COL4A1: variants seen among roughly 807,000 people sequenced by gnomAD.
The protein encoded by COL4A1 is collagen alpha-1(IV) chain.
A neutral mutation model predicts 216.6 loss-of-function variants in COL4A1; 40 were observed. That is an observed-to-expected ratio of 0.18 (90% CI 0.14 to 0.24). The LOEUF (loss-of-function observed/expected upper bound fraction) is 0.24. Among genes scored for constraint, COL4A1 ranks in the 10% least tolerant of loss-of-function variants. The pLI is 1.00. For missense variants in COL4A1, 1,628 were observed against 2,196.8 expected (o/e 0.74, Z 5.18); for synonymous variants, 839 against 810.7 (o/e 1.03, Z -0.59).
chr13:110,219,412 A>G (rs593564), intron 2 of COL4A1, among the ~76,000 whole-genome samples: 75,049 of 151,814 alleles, frequency 0.49, 18,953 homozygotes, highest in Non-Finnish European at 0.54. Context: ...ACATTAAAGC[A>G]GCAAAGATTA....
At chr13:110,222,305 T>C (rs891022919) in intron 2 of COL4A1, among the ~76,000 whole-genome samples, 1 of 152,016 alleles carries the variant, frequency 6.6e-6, no homozygotes, top group Admixed American at 6.6e-5. Flanking sequence ...AAACCCAAAC[T>C]CTGGCAGACA....
At chr13:110,303,173 T>C (rs548781104) in intron 1 of COL4A1, among the ~76,000 whole-genome samples, 9 of 152,322 alleles carry the variant, frequency 5.9e-5, no homozygotes, top group African/African-American at 2.2e-4. Flanking sequence ...ATGAATAATG[T>C]AGGGTTTTGT....
intron 22 of COL4A1, among the ~76,000 whole-genome samples, chr13:110,194,612 T>C (rs767594351): frequency 2.6e-5 from 4 of 152,104 alleles, no homozygotes; most frequent in African/African-American, 9.7e-5. Flanking sequence ...ACTGGAAGAA[T>C]TGGTGAGCAT....
intron 1 of COL4A1, among the ~76,000 whole-genome samples, chr13:110,269,053 T>C (rs1471146246): frequency 1.3e-5 from 2 of 152,172 alleles, no homozygotes; most frequent in African/African-American, 4.8e-5. Flanking sequence ...CCGGAGCCAC[T>C]TGGAAAAGTG....
intron 2 of COL4A1, among the ~76,000 whole-genome samples, chr13:110,228,083 C>A (rs746720611): frequency 1.3e-5 from 2 of 152,176 alleles, no homozygotes; most frequent in Non-Finnish European, 2.9e-5. Flanking sequence ...GGGACATACA[C>A]GCGCCTTACA....
At chr13:110,165,028 C>A in intron 45 of COL4A1, 38 bp from the exon 46 acceptor site, 1 of 1,591,780 alleles carries the variant, frequency 6.3e-7, no homozygotes, top group South Asian at 1.1e-5. Flanking sequence ...ATTTCACTGT[C>A]CACATACTGG....
Position 110,176,696 on chromosome 13 carries a change from T to C in COL4A1, c.2898A>G (p.Gly966=). ...CTGGGGTCCCAGGGTCTCCTCGGGA[T>C]CCCTTCTCACCAATTGGTCCAATTT... is the stretch of plus-strand genomic sequence containing the variant. ...KGQIGPIGEK[G]SRGDPGTPGV... The change falls in exon 35 of 52, where the codon GGA becomes GGG. Residue 966 remains glycine (G), a synonymous_variant. Transcript: ENST00000375820. 6.2e-7 allele frequency: 1 copy of C among 1,614,180 alleles called. No individual in the cohort carries two copies. Among genetic ancestry groups the C allele is most frequent in the Non-Finnish European group, 8.5e-7 (1 of 1,180,032 alleles).
At position 110,300,786 on chromosome 13, in the gene COL4A1, G is replaced by A. The variant is rs564968757; in HGVS notation, c.84+6158C>T. Among the ~76,000 whole-genome samples the A allele has an allele frequency of 2.4e-4, 37 of 152,272 alleles. No individual in the cohort carries two copies. In the South Asian group the frequency reaches 7.5e-3, roughly 31 times the overall value. On this transcript the variant is annotated intron_variant, in intron 1 of 51. Coordinates refer to ENST00000375820, the MANE Select transcript of COL4A1 (RefSeq NM_001845.6). The stretch of plus-strand genomic sequence containing the variant: ...TAATTTTACAACTGAACAATGTACT[G>A]ATTCTAAAAGCAACAGAAGATGAGG...
At chr13:110,270,164 G>A (rs1043513650) in intron 1 of COL4A1, among the ~76,000 whole-genome samples, 7 of 152,260 alleles carry the variant, frequency 4.6e-5, no homozygotes, top group East Asian at 3.9e-4. Flanking sequence ...TGAAGGCTGC[G>A]ACCTTCTTCA....
At chr13:110,260,771 C>T (rs945537771) in intron 1 of COL4A1, among the ~76,000 whole-genome samples, 13 of 152,018 alleles carry the variant, frequency 8.6e-5, no homozygotes, top group African/African-American at 1.9e-4. Flanking sequence ...CAAAGTGGGC[C>T]GGGCGCGGTG....
chr13:110,200,908 T>G lies in COL4A1; in HGVS notation c.1085-19A>C. On this transcript the variant is annotated intron_variant, in intron 19 of 51. Transcript: ENST00000375820. ...GGGAAACCTGAAAAGAGAAAGAGAG[T>G]GTTGGATCAAACAGAACAGTTCACC... is the stretch of plus-strand genomic sequence containing the variant. The G allele has an allele frequency of 6.2e-7, 1 of 1,613,000 alleles. No individual in the cohort carries two copies. The highest frequency in any genetic ancestry group is 8.5e-7 in the Non-Finnish European group (1 of 1,179,546).
intron 2 of COL4A1, among the ~76,000 whole-genome samples, chr13:110,229,618 TGATGAGGC>T (rs1880915842): frequency 6.6e-6 from 1 of 152,152 alleles, no homozygotes; most frequent in South Asian, 2.1e-4. Flanking sequence ...CCTTGGGAAG[TGATGAGGC>T]TCATGAACAG....
intron 21 of COL4A1, among the ~76,000 whole-genome samples, chr13:110,197,151 C>A (rs113825925): frequency 6.6e-6 from 1 of 151,272 alleles, no homozygotes; most frequent in African/African-American, 2.4e-5. Flanking sequence ...CCACCATTGG[C>A]TCCCTCACCC....
chr13:110,263,825 G>T (rs1006820014), intron 1 of COL4A1, among the ~76,000 whole-genome samples: 5 of 152,150 alleles, frequency 3.3e-5, no homozygotes, highest in African/African-American at 1.2e-4. Flanking sequence ...TTAAAGAAAT[G>T]TAAGTTTAGG....
intron 50 of COL4A1, 126 bp downstream of exon 50, chr13:110,155,157 G>T: frequency 1.3e-6 from 1 of 765,110 alleles, no homozygotes; most frequent in Non-Finnish European, 2.3e-6. Flanking sequence ...GATGGTTGGA[G>T]GAAGAAGGAG....
chr13:110,286,133 C>A (rs193029874), intron 1 of COL4A1, among the ~76,000 whole-genome samples: 28 of 152,238 alleles, frequency 1.8e-4, no homozygotes, highest in Non-Finnish European at 3.1e-4. Context: ...GAGAAACTGC[C>A]ATGGAGGGGC....
intron 1 of COL4A1, among the ~76,000 whole-genome samples, chr13:110,261,260 G>C (rs991428473): frequency 6.6e-6 from 1 of 152,058 alleles, no homozygotes; most frequent in Non-Finnish European, 1.5e-5. Flanking sequence ...GAAGCCCCCC[G>C]ACCCATCACA....
intron 28 of COL4A1, among the ~76,000 whole-genome samples, chr13:110,182,520 GAAAAGA>G (rs1236076734): frequency 1.3e-5 from 2 of 152,170 alleles, no homozygotes; most frequent in African/African-American, 4.8e-5. Context: ...AAAGCAGGGG[GAAAAGA>G]AATTCCCTCC....
At chr13:110,258,613 CAACT>C (rs1882680169) in intron 1 of COL4A1, among the ~76,000 whole-genome samples, 1 of 151,954 alleles carries the variant, frequency 6.6e-6, no homozygotes, top group Non-Finnish European at 1.5e-5. Context: ...CTATTTACAC[CAACT>C]ATGTGCCTCT....
Sources: gnomAD v4.1 joint callset for allele counts (sites outside exome capture counted in the v4.1 genomes callset) on GRCh38, gnomAD v4.1.1 for gene constraint, MANE v1.5 for transcripts, NCBI Gene and HGNC (gene_info 2026-07-23, HGNC 2026-07-21) for gene names.